The following ST7 variants were observed in gnomAD, a reference collection of about 807,000 sequenced individuals.
ST7 encodes suppressor of tumorigenicity 7 protein.
ST7 carries 28 observed loss-of-function variants against 78.7 expected under a neutral mutation model. That is an observed-to-expected ratio of 0.36 (90% confidence interval 0.26 to 0.49). The LOEUF (loss-of-function observed/expected upper bound fraction) is 0.49. ST7 is among the 20% of genes least tolerant of loss of function. The probability of loss-of-function intolerance (pLI) is 0.99; values close to 1 mark genes in which losing one functional copy is unlikely to be tolerated. For synonymous variants in ST7, 247 were observed against 249.6 expected (o/e 0.99, Z 0.10); for missense variants, 418 against 696.0 (o/e 0.60, Z 4.49).
rs966654279 is a variant in ST7, at chr7:117,011,805, G to A, written c.151+58114G>A. Among the ~76,000 whole-genome samples, 11 of 152,160 alleles carry A rather than the reference G, an allele frequency of 7.2e-5. No homozygotes were observed. The South Asian group carries it at 2.3e-3, about 32-fold the overall frequency. ...TTTTGGAGAGGACTATGATGTGATT[G>A]TTTGGGAAGGGGGCATCTAGGCATA... On this transcript the variant is annotated intron_variant, in intron 1 of 15. Coordinates refer to ENST00000323984, the MANE Select transcript of ST7 (RefSeq NM_001369598.1).
At chr7:117,165,645 GCT>G (rs1311398538) in intron 9 of ST7, among the ~76,000 whole-genome samples, 2 of 152,154 alleles carry the variant, frequency 1.3e-5, no homozygotes, top group African/African-American at 4.8e-5. Flanking sequence ...CAAAGTTCCT[GCT>G]CTCACGTTCT....
At chr7:117,034,750 A>G (rs751910959) in intron 1 of ST7, among the ~76,000 whole-genome samples, 6 of 152,210 alleles carry the variant, frequency 3.9e-5, no homozygotes, top group African/African-American at 7.2e-5. Flanking sequence ...ATGTCATAGC[A>G]TGCTTTGCAT....
chr7:117,039,673 A>T (rs114162974), intron 1 of ST7, among the ~76,000 whole-genome samples: 29 of 152,348 alleles, frequency 1.9e-4, no homozygotes, highest in Non-Finnish European at 3.5e-4. Context: ...TTATGTAGGA[A>T]AAATACATCT....
intron 12 of ST7, among the ~76,000 whole-genome samples, chr7:117,193,194 G>C (rs916595295): frequency 7.3e-6 from 1 of 136,742 alleles, no homozygotes; most frequent in African/African-American, 3.3e-5. Context: ...GTGCCTTGGA[G>C]GCAGTGAATA....
intron 1 of ST7, chr7:116,955,229 A>T: frequency 2.5e-6 from 1 of 407,716 alleles, no homozygotes; most frequent in South Asian, 1.9e-5. Flanking sequence ...TTTTAATGGA[A>T]TTACGTATTT....
intron 15 of ST7, among the ~76,000 whole-genome samples, chr7:117,227,262 T>C (rs564533385): frequency 1.3e-5 from 2 of 152,216 alleles, no homozygotes; most frequent in Non-Finnish European, 2.9e-5. Context: ...GTTCAGCAGT[T>C]GCAACAGCTC....
At chr7:117,046,052 G>A (rs761767376) in intron 1 of ST7, among the ~76,000 whole-genome samples, 1 of 152,194 alleles carries the variant, frequency 6.6e-6, no homozygotes, top group East Asian at 1.9e-4. Flanking sequence ...TGTTATCTAT[G>A]TTTTGCAGAT....
At chr7:117,159,743 C>T (rs1806981511) in intron 9 of ST7, among the ~76,000 whole-genome samples, 1 of 152,004 alleles carries the variant, frequency 6.6e-6, no homozygotes, top group African/African-American at 2.4e-5. Context: ...TCACATATAG[C>T]ATAGCCAGGC....
At chr7:117,073,496 C>T (rs1274291175) in intron 1 of ST7, among the ~76,000 whole-genome samples, 2 of 152,154 alleles carry the variant, frequency 1.3e-5, no homozygotes, top group Non-Finnish European at 2.9e-5. Context: ...TGAATAATAA[C>T]TGCCTAAAGT....
chr7:116,971,221 A>G (rs1793400749), intron 1 of ST7, among the ~76,000 whole-genome samples: 1 of 152,250 alleles, frequency 6.6e-6, no homozygotes, highest in Admixed American at 6.5e-5. Context: ...TAAAATTTAA[A>G]AAGTTTTGTA....
At chr7:117,183,700 A>G (rs555589290) in intron 10 of ST7, among the ~76,000 whole-genome samples, 1 of 152,338 alleles carries the variant, frequency 6.6e-6, no homozygotes, top group Non-Finnish European at 1.5e-5. Context: ...ACTGTCTAAC[A>G]GTTTCCAATA....
chr7:117,162,548 C>T (rs1007262704), intron 9 of ST7, among the ~76,000 whole-genome samples: 2 of 149,322 alleles, frequency 1.3e-5, no homozygotes, highest in Non-Finnish European at 3.0e-5. Context: ...AAAATCCCAT[C>T]ATAAATAGTG....
intron 1 of ST7, among the ~76,000 whole-genome samples, chr7:117,001,375 A>G (rs1794926232): frequency 6.6e-6 from 1 of 152,216 alleles, no homozygotes; most frequent in South Asian, 2.1e-4. Flanking sequence ...AGTATAGTTG[A>G]GTGGTTTTCC....
At chr7:117,198,388 AGAAGGACAAC>A in intron 12 of ST7, 1 of 451,762 alleles carries the variant, frequency 2.2e-6, no homozygotes, top group South Asian at 1.6e-5. Flanking sequence ...CCTAGCCTGA[AGAAGGACAAC>A]CAGAGAGTAT....
rs1359344977 is a variant in ST7, at chr7:116,953,675, C to T, written c.135C>T (p.Asn45=). 1.3e-6 allele frequency: 2 copies of T among 1,495,556 alleles called. No individual in the cohort carries two copies. The highest frequency in any genetic ancestry group is 9.0e-7 in the Non-Finnish European group (1 of 1,109,034). The allele number at this position is 1,495,556 out of a possible 1,614,324, so 92.6% of individuals were successfully genotyped here. A position where few individuals can be genotyped will look rare whatever the true frequency, so the allele number is the denominator to read the frequency against. ...TCCTGCGGGTGCCTTTGAAAATCAACGACAACTTGAGCACAGGTAAGGCCT... is the reference window on the plus strand; with the variant it reads ...TCCTGCGGGTGCCTTTGAAAATCAATGACAACTTGAGCACAGGTAAGGCCT... ...VYILRVPLKI[N]DNLSTVSMFL... The change falls in exon 1 of 16, where the codon AAC becomes AAT. Residue 45 remains asparagine, a synonymous_variant. Transcript: ENST00000323984.
rs545909752 is a variant in ST7 at position 117,119,093 on chromosome 7, C to A, written c.235-468C>A. Among the ~76,000 whole-genome samples the A allele has an allele frequency of 3.3e-5, 5 of 152,250 alleles. No homozygotes were observed. In the East Asian group the frequency reaches 7.7e-4, roughly 23 times the overall value. ...TTAAGGAGGTCTTACCAAGCACCCC[C>A]ACTCCTTCCTGCCCCGCCCCTACCC... On this transcript the variant is annotated intron_variant, in intron 2 of 15. Transcript: ENST00000323984.
Position 117,138,423 on chromosome 7 carries a change from CT to C in ST7, c.866-11del. 2.0e-6 allele frequency: 3 copies of C among 1,531,662 alleles called. No homozygotes were observed. The highest frequency in any genetic ancestry group is 2.7e-6 in the Non-Finnish European group (3 of 1,124,572). 94.9% of individuals were successfully genotyped at this position (1,531,662 alleles called of 1,614,324 possible). On this transcript the variant is annotated splice_polypyrimidine_tract_variant and intron_variant, in intron 8 of 15. Coordinates refer to ENST00000323984, the MANE Select transcript of ST7 (RefSeq NM_001369598.1). The stretch of plus-strand genomic sequence containing the variant: ...TTTTTTAAATGTTGGTGTTTTATAT[CT>C]CCCTCTTCAGGACGAGACACCAATG...
At chr7:117,141,814 C>T (rs773596420) in intron 9 of ST7, among the ~76,000 whole-genome samples, 8 of 152,054 alleles carry the variant, frequency 5.3e-5, no homozygotes, top group South Asian at 4.1e-4. Context: ...GGACTGCAGG[C>T]GCACACCATC....
chr7:116,997,293 C>T (rs138525467), intron 1 of ST7, among the ~76,000 whole-genome samples: 55 of 152,284 alleles, frequency 3.6e-4, no homozygotes, highest in Non-Finnish European at 6.8e-4. Context: ...ACTGCTGGCT[C>T]GGGCAGCCTA....
Sources: gnomAD v4.1 joint callset for allele counts (sites outside exome capture counted in the v4.1 genomes callset) on GRCh38, gnomAD v4.1.1 for gene constraint, MANE v1.5 for transcripts, NCBI Gene and HGNC (gene_info 2026-07-23, HGNC 2026-07-21) for gene names.